Variants in B4GALT4 observed in about 807,000 individuals in gnomAD.
The protein encoded by B4GALT4 is beta-1,4-galactosyltransferase 4.
A neutral mutation model predicts 37.3 loss-of-function variants in B4GALT4; 27 were observed. That is an observed-to-expected ratio of 0.72 (90% CI 0.53 to 1.00). The LOEUF is 1.00. Ranked by LOEUF, B4GALT4 falls within the 50% of genes least tolerant of loss-of-function variation. B4GALT4 has a pLI of 0.00. For missense variants in B4GALT4, 372 were observed against 413.1 expected, an observed-to-expected ratio of 0.90 and a Z score of 0.86; for synonymous variants, 148 against 154.1, an observed-to-expected ratio of 0.96 and a Z score of 0.29.
At chr3:119,225,674 C>T (rs1000268480) in intron 4 of B4GALT4, among the ~76,000 whole-genome samples, 1 of 152,084 alleles carries the variant, frequency 6.6e-6, no homozygotes, top group African/African-American at 2.4e-5. Context: ...AGTGATCCAC[C>T]CACCTTGGCC....
Position 119,212,442 on chromosome 3 carries a change from A to G in B4GALT4, c.*107T>C, listed in dbSNP as rs1431280635. The G allele has an allele frequency of 2.6e-6, 3 of 1,159,878 alleles. No individual in the cohort carries two copies. Among genetic ancestry groups the G allele is most frequent in the Non-Finnish European group, 3.7e-6 (3 of 819,044 alleles). 71.8% of individuals were successfully genotyped at this position (1,159,878 alleles called of 1,614,324 possible). A position where few individuals can be genotyped will look rare whatever the true frequency, so the allele number is the denominator to read the frequency against. ...ACAAAAAGGAAAAATTCAGCTCAACAATGAGCTGTAACAGGTTCTTAATGT... is the reference window on the plus strand; with the variant it reads ...ACAAAAAGGAAAAATTCAGCTCAACGATGAGCTGTAACAGGTTCTTAATGT... On this transcript the variant is annotated 3_prime_UTR_variant, in exon 8 of 8. Coordinates refer to ENST00000393765, the MANE Select transcript of B4GALT4 (RefSeq NM_003778.4).
At chr3:119,233,631 A>C (rs1036432811) in intron 2 of B4GALT4, among the ~76,000 whole-genome samples, 4 of 152,098 alleles carry the variant, frequency 2.6e-5, no homozygotes, top group African/African-American at 7.2e-5. Context: ...AAACAAAAAA[A>C]CCTATCCAAG....
chr3:119,238,761 C>T (rs2079061454), intron 1 of B4GALT4, among the ~76,000 whole-genome samples: 1 of 152,070 alleles, frequency 6.6e-6, no homozygotes, highest in Non-Finnish European at 1.5e-5. Flanking sequence ...TGCAACATAT[C>T]CCCCAAGAAT....
intron 1 of B4GALT4, among the ~76,000 whole-genome samples, chr3:119,238,752 G>C (rs2079061219): frequency 6.6e-6 from 1 of 152,152 alleles, no homozygotes; most frequent in Non-Finnish European, 1.5e-5. Flanking sequence ...TGTCAGTCTT[G>C]CAACATATCC....
chr3:119,227,102 C>T, intron 3 of B4GALT4, 61 bp from the exon 4 acceptor site: 1 of 1,464,950 alleles, frequency 6.8e-7, no homozygotes, highest in East Asian at 2.3e-5. Flanking sequence ...TTGAGGTTTA[C>T]ACGAGCTAAT....
intron 7 of B4GALT4, chr3:119,215,028 G>A (rs1302147159): frequency 6.6e-6 from 1 of 152,176 alleles, no homozygotes; most frequent in Non-Finnish European, 1.5e-5. Context: ...ATAAGATTCT[G>A]TTCAAGTCTC....
chr3:119,224,369 A>G (rs2078538224), intron 4 of B4GALT4, 124 bp from the exon 5 acceptor site: 4 of 649,150 alleles, frequency 6.2e-6, no homozygotes, highest in African/African-American at 1.9e-5. Flanking sequence ...TACACTTGTG[A>G]CATAAAGATC....
intron 6 of B4GALT4, among the ~76,000 whole-genome samples, chr3:119,218,247 T>C (rs536898532): frequency 1.3e-5 from 2 of 152,326 alleles, no homozygotes; most frequent in East Asian, 3.9e-4. Flanking sequence ...CCCCAGAGGC[T>C]GCTGGCACTC....
intron 5 of B4GALT4, 68 bp from the exon 6 acceptor site, chr3:119,218,840 C>T (rs1051609928): frequency 1.8e-5 from 29 of 1,578,198 alleles, no homozygotes; most frequent in African/African-American, 1.2e-4. Flanking sequence ...TCAGGGCTGG[C>T]GTTCTAGGAA....
intron 6 of B4GALT4, among the ~76,000 whole-genome samples, chr3:119,217,705 C>T (rs1300299432): frequency 6.6e-6 from 1 of 151,882 alleles, no homozygotes; most frequent in Non-Finnish European, 1.5e-5. Flanking sequence ...TAGCCAGACA[C>T]GGCGGCACAC....
intron 6 of B4GALT4, 111 bp from the exon 7 acceptor site, chr3:119,216,455 C>CACACACAT: frequency 2.5e-6 from 1 of 403,118 alleles, no homozygotes; most frequent in Non-Finnish European, 4.4e-6. Flanking sequence ...TACACACACA[C>CACACACAT]ACACACACAC....
At chr3:119,219,524 A>G (rs2078388974) in intron 5 of B4GALT4, among the ~76,000 whole-genome samples, 1 of 152,270 alleles carries the variant, frequency 6.6e-6, no homozygotes, top group Non-Finnish European at 1.5e-5. Flanking sequence ...CAAGCTCACA[A>G]GAGAGGAACG....
Position 119,230,044 on chromosome 3 carries a change from A to T in B4GALT4, c.56T>A (p.Leu19Ter), listed in dbSNP as rs1335948622. 6 of 1,614,204 alleles carry T rather than the reference A, an allele frequency of 3.7e-6. No individual in the cohort carries two copies. Among genetic ancestry groups the T allele is most frequent in the Non-Finnish European group, 5.1e-6 (6 of 1,180,024 alleles). The change falls in exon 3 of 8, where the codon TTG becomes TAG. Residue 19 changes from leucine (L) to a stop codon, truncating the protein, a stop_gained. Transcript: ENST00000393765. LOFTEE classifies it high-confidence loss of function. ...CCCAACCACTGTCAGGCACAAAGTC[A>T]ACAGCAACAGTAATCGGAATTTGTA... ...LSYKFRLLLL[L>*]TLCLTVVGWA...
chr3:119,239,546 G>A (rs1163038566), intron 1 of B4GALT4, among the ~76,000 whole-genome samples: 1 of 152,114 alleles, frequency 6.6e-6, no homozygotes, highest in Non-Finnish European at 1.5e-5. Context: ...ATTACTATTA[G>A]CTCGGCTTAA....
At chr3:119,224,434 T>C (rs182992429) in intron 4 of B4GALT4, among the ~76,000 whole-genome samples, 189 bp from the exon 5 acceptor site, 1 of 152,270 alleles carries the variant, frequency 6.6e-6, no homozygotes, top group Non-Finnish European at 1.5e-5. Flanking sequence ...TCTTCGTGCT[T>C]CACACATACT....
At chr3:119,230,589 T>C (rs2078779483) in intron 2 of B4GALT4, among the ~76,000 whole-genome samples, 2 of 152,192 alleles carry the variant, frequency 1.3e-5, no homozygotes, top group African/African-American at 2.4e-5. Flanking sequence ...TCTGCCTCAG[T>C]TGCCCCTTCC....
Position 119,211,978 on chromosome 3 carries a change from C to G in B4GALT4, c.*571G>C. ...AGCTCAGCTACTGCTGCCTTTGCAGCCGACACTCCACCCTCCTGCTACCTC... is the reference window on the plus strand; with the variant it reads ...AGCTCAGCTACTGCTGCCTTTGCAGGCGACACTCCACCCTCCTGCTACCTC... On this transcript the variant is annotated 3_prime_UTR_variant, in exon 8 of 8. Coordinates refer to ENST00000393765, the MANE Select transcript of B4GALT4 (RefSeq NM_003778.4). 1 of 572,696 alleles carries G rather than the reference C, an allele frequency of 1.7e-6. No individual in the cohort carries two copies. Among genetic ancestry groups the G allele is most frequent in the East Asian group, 2.8e-5 (1 of 35,632 alleles). The allele number at this position is 572,696 out of a possible 1,614,324, so 35.5% of individuals were successfully genotyped here.
intron 2 of B4GALT4, among the ~76,000 whole-genome samples, chr3:119,230,787 A>G (rs747466880): frequency 6.6e-6 from 1 of 152,208 alleles, no homozygotes; most frequent in African/African-American, 2.4e-5. Flanking sequence ...GCACATTGCA[A>G]TGGGGGCCAG....
rs2078168224 is a variant in B4GALT4, at chr3:119,211,772, G to A, written c.*777C>T. The stretch of plus-strand genomic sequence containing the variant: ...TTCACATTTTACTACAGAGGTATTT[G>A]ATAGACATATTTATTATTAGTTAAT... On this transcript the variant is annotated 3_prime_UTR_variant, in exon 8 of 8. Coordinates refer to ENST00000393765, the MANE Select transcript of B4GALT4 (RefSeq NM_003778.4). 5.3e-6 allele frequency: 1 copy of A among 188,046 alleles called. No individual in the cohort carries two copies. 11.6% of individuals were successfully genotyped at this position (188,046 alleles called of 1,614,324 possible). A position where few individuals can be genotyped will look rare whatever the true frequency, so the allele number is the denominator to read the frequency against.
Sources: gnomAD v4.1 joint callset for allele counts (sites outside exome capture counted in the v4.1 genomes callset) on GRCh38, gnomAD v4.1.1 for gene constraint, MANE v1.5 for transcripts, NCBI Gene and HGNC (gene_info 2026-07-23, HGNC 2026-07-21) for gene names.